Variants in GDAP1L1 observed in about 807,000 individuals in gnomAD.
GDAP1L1 encodes ganglioside-induced differentiation-associated protein 1-like 1.
In GDAP1L1, 21 loss-of-function variants were observed where a neutral mutation model predicts 37.1. The observed-to-expected ratio is 0.57, with a 90% confidence interval of 0.40 to 0.81. The LOEUF (loss-of-function observed/expected upper bound fraction) is 0.81. GDAP1L1 is among the 40% of genes least tolerant of loss of function. The pLI is 0.00. For synonymous variants in GDAP1L1, 193 were observed against 209.1 expected (o/e 0.92, Z 0.67); for missense variants, 362 against 491.6 (o/e 0.74, Z 2.49).
At chr20:44,253,085 A>T (rs1020944451) in intron 1 of GDAP1L1, among the ~76,000 whole-genome samples, 1 of 152,130 alleles carries the variant, frequency 6.6e-6, no homozygotes, top group Non-Finnish European at 1.5e-5. Flanking sequence ...CACCTTAATT[A>T]AAATTGCTAC....
intron 5 of GDAP1L1, among the ~76,000 whole-genome samples, chr20:44,276,000 T>C (rs1419973809): frequency 6.6e-6 from 1 of 152,022 alleles, no homozygotes; most frequent in Non-Finnish European, 1.5e-5. Context: ...CCCTTTATAA[T>C]ATGTGTTTAA....
chr20:44,262,288 TGGA>T (rs2073686981), intron 3 of GDAP1L1, among the ~76,000 whole-genome samples: 1 of 151,782 alleles, frequency 6.6e-6, no homozygotes. Context: ...GTCAGTTAAA[TGGA>T]GGAGGTTAAA....
chr20:44,273,338 T>C (rs1316654092), intron 5 of GDAP1L1, among the ~76,000 whole-genome samples: 1 of 152,182 alleles, frequency 6.6e-6, no homozygotes, highest in Non-Finnish European at 1.5e-5. Context: ...GGTTTCTCCA[T>C]GTTGCCCAGT....
intron 5 of GDAP1L1, among the ~76,000 whole-genome samples, chr20:44,276,461 A>AAAGAAAGAAAGAAAGAAAGAAAGG (rs1271571059): frequency 6.6e-6 from 1 of 150,666 alleles, no homozygotes; most frequent in East Asian, 1.9e-4. Flanking sequence ...AGAAAGAAAG[A>AAAGAAAGAAAGAAAGAAAGAAAGG]AAGAAAAAGA....
intron 1 of GDAP1L1, among the ~76,000 whole-genome samples, chr20:44,248,925 A>C (rs765581172): frequency 2.0e-5 from 3 of 152,224 alleles, no homozygotes; most frequent in Non-Finnish European, 2.9e-5. Context: ...GGGTGAATGC[A>C]GTAACTTCCT....
In GDAP1L1 at chr20:44,280,817, A is replaced by G. The variant is rs1486406071; in HGVS notation, c.*1517A>G. The G allele has an allele frequency of 6.6e-6, 1 of 152,270 alleles. No homozygotes were observed. Among genetic ancestry groups the G allele is most frequent in the African/African-American group, 2.4e-5 (1 of 41,470 alleles). The allele number at this position is 152,270 out of a possible 1,614,324, so 9.4% of individuals were successfully genotyped here. Reference sequence around the variant, plus strand: ...GGACCTCAGGGGGCACCCAGGGCACATGCCCCCCACCCCAATTTCCCAGAG... The same window carrying G: ...GGACCTCAGGGGGCACCCAGGGCACGTGCCCCCCACCCCAATTTCCCAGAG... On this transcript the variant is annotated 3_prime_UTR_variant, in exon 6 of 6. Transcript: ENST00000342560.
chr20:44,273,045 G>A (rs993678264), intron 5 of GDAP1L1, among the ~76,000 whole-genome samples: 3 of 152,198 alleles, frequency 2.0e-5, no homozygotes, highest in African/African-American at 7.2e-5. Flanking sequence ...GATACCTGCT[G>A]TGTCTATGCT....
chr20:44,264,560 G>A lies in GDAP1L1; in HGVS notation c.760+1G>A. 1.2e-6 allele frequency: 2 copies of A among 1,610,658 alleles called. No homozygotes were observed. The highest frequency in any genetic ancestry group is 1.7e-6 in the Non-Finnish European group (2 of 1,177,962). On this transcript the variant is annotated splice_donor_variant, in intron 5 of 5. Transcript: ENST00000342560. LOFTEE classifies it high-confidence loss of function. The stretch of plus-strand genomic sequence containing the variant: ...GAGAAGAGGAAGCTGGAGAACGAGG[G>A]TGGGTGCCAGCCCTGGGGGAGGTGG...
intron 2 of GDAP1L1, chr20:44,258,218 A>G (rs1434231952): frequency 1.4e-6 from 1 of 719,062 alleles, no homozygotes; most frequent in Non-Finnish European, 2.6e-6. Flanking sequence ...TCTGGAGCTG[A>G]GAGGAGCTAA....
At chr20:44,253,269 A>T (rs1011186038) in intron 1 of GDAP1L1, among the ~76,000 whole-genome samples, 1 of 152,178 alleles carries the variant, frequency 6.6e-6, no homozygotes, top group Admixed American at 6.5e-5. Context: ...TAAGTTTCCA[A>T]CAAGACCTGG....
At chr20:44,265,543 T>C (rs1387168074) in intron 5 of GDAP1L1, 7 of 938,196 alleles carry the variant, frequency 7.5e-6, no homozygotes, top group South Asian at 4.9e-5. Flanking sequence ...AAACTTGAAA[T>C]AGAGTTCCAG....
intron 3 of GDAP1L1, 107 bp downstream of exon 3, chr20:44,258,714 C>G (rs2281321): frequency 0.18 from 136,336 of 776,168 alleles, 13,295 homozygotes; most frequent in African/African-American, 0.3. Flanking sequence ...TCCTCCCCTT[C>G]CTCCTCCTTC....
chr20:44,266,172 G>A (rs113208888), intron 5 of GDAP1L1, among the ~76,000 whole-genome samples: 3,123 of 152,232 alleles, frequency 0.021, 106 homozygotes, highest in African/African-American at 0.071. Flanking sequence ...GCTGGGCGGG[G>A]TGCTGGGTTC....
In GDAP1L1 at chr20:44,276,334, AAAAG is replaced by A. The variant is rs1022138407; in HGVS notation, c.761-2608_761-2605del. Among the ~76,000 whole-genome samples, 6 of 136,570 alleles carry A rather than the reference AAAAG, an allele frequency of 4.4e-5. No homozygotes were observed. In the East Asian group the frequency reaches 7.5e-4, roughly 17 times the overall value. The allele number at this position is 136,570 out of a possible 152,430, so 89.6% of individuals were successfully genotyped here. ...TGGGTGACAGAGCGAGACTTTGTCAAAAAGAAAGAAAGAAAGAAGGAAAGGAAGG... is the reference window on the plus strand; with the variant it reads ...TGGGTGACAGAGCGAGACTTTGTCAAAAAGAAAGAAAGAAGGAAAGGAAGG... On this transcript the variant is annotated intron_variant, in intron 5 of 5. Coordinates refer to ENST00000342560, the MANE Select transcript of GDAP1L1 (RefSeq NM_024034.6).
intron 1 of GDAP1L1, among the ~76,000 whole-genome samples, chr20:44,256,269 G>T (rs2073542020): frequency 1.3e-5 from 2 of 152,202 alleles, no homozygotes; most frequent in African/African-American, 4.8e-5. Flanking sequence ...GCAACCAGAT[G>T]AGGTGTTTGG....
At chr20:44,267,715 G>A (rs2062469968) in intron 5 of GDAP1L1, among the ~76,000 whole-genome samples, 1 of 152,146 alleles carries the variant, frequency 6.6e-6, no homozygotes. Flanking sequence ...GCTTAGCACA[G>A]TGCCCGGCAC....
chr20:44,259,470 T>C lies in GDAP1L1; in HGVS notation c.547+863T>C, dbSNP rs547852888. ...ACTCAACCCTGTCCCTTGAGAACCATTGTCATTGAACAAGACTCAGAATTT... is the reference window on the plus strand; with the variant it reads ...ACTCAACCCTGTCCCTTGAGAACCACTGTCATTGAACAAGACTCAGAATTT... On this transcript the variant is annotated intron_variant, in intron 3 of 5. Coordinates refer to ENST00000342560, the MANE Select transcript of GDAP1L1 (RefSeq NM_024034.6). Among the ~76,000 whole-genome samples the C allele has an allele frequency of 2.4e-3, 363 of 151,966 alleles. 1 individual carries two copies. Among genetic ancestry groups the C allele is most frequent in the Non-Finnish European group, 3.9e-3 (265 of 67,990 alleles).
intron 5 of GDAP1L1, 21 bp downstream of exon 5, chr20:44,264,580 A>T: frequency 6.2e-7 from 1 of 1,605,574 alleles, no homozygotes; most frequent in Non-Finnish European, 8.5e-7. Context: ...GCCCTGGGGG[A>T]GGTGGGGGCT....
rs1410337993 is a variant in GDAP1L1 at position 44,257,191 on chromosome 20, G to T, written c.219G>T (p.Glu73Asp). The change falls in exon 2 of 6, where the codon GAG becomes GAT. Residue 73 changes from glutamate to aspartate, a missense_variant. Physicochemically the swap from Glu to Asp is conservative, Grantham distance 45 (BLOSUM62 2). Around this residue, in one of 2 missense-constraint regions of GDAP1L1, gnomAD observed 277 missense variants for 337.1 expected, o/e 0.82. Coordinates refer to ENST00000342560, the MANE Select transcript of GDAP1L1 (RefSeq NM_024034.6). ...TCGCCGAGAAGGGCCTGGTGTGCGA[G>T]GAGCGGGACGTGAGCCTGCCACAGA... ...LVIAEKGLVC[E>D]ERDVSLPQSE... 1 of 1,607,102 alleles carries T rather than the reference G, an allele frequency of 6.2e-7. No individual in the cohort carries two copies. The highest frequency in any genetic ancestry group is 8.5e-7 in the Non-Finnish European group (1 of 1,177,698).
Sources: gnomAD v4.1 joint callset for allele counts (sites outside exome capture counted in the v4.1 genomes callset) on GRCh38, gnomAD v4.1.1 for gene constraint, gnomAD v4.1.1 regional missense constraint, MANE v1.5 for transcripts, NCBI Gene and HGNC (gene_info 2026-07-23, HGNC 2026-07-21) for gene names.